Variants in MRPL30 observed in about 807,000 individuals in gnomAD.
The protein encoded by MRPL30 is large ribosomal subunit protein uL30m.
Under a neutral mutation model 17.2 loss-of-function variants are expected in MRPL30, and 10 were observed. The ratio of observed to expected loss-of-function variants is 0.58; its 90% CI spans 0.36 to 0.99. The LOEUF (loss-of-function observed/expected upper bound fraction) is 0.99, where lower values mean the gene tolerates loss of function less well. Among genes scored for constraint, MRPL30 ranks in the 50% least tolerant of loss-of-function variants. MRPL30 has a pLI of 0.01. For synonymous variants in MRPL30, 61 were observed against 62.1 expected (o/e 0.98, Z 0.08); for missense variants, 170 against 189.8 (o/e 0.90, Z 0.61).
chr2:99,181,772 T>C (rs1348279499), intron 1 of MRPL30, among the ~76,000 whole-genome samples: 1 of 152,178 alleles, frequency 6.6e-6, no homozygotes, highest in Non-Finnish European at 1.5e-5. Context: ...TCTGCCCTTT[T>C]TGCCAAGAGG....
rs560155371 is a variant in MRPL30 at position 99,193,536 on chromosome 2, A to G, written c.133-1215A>G. ...TATATTTTATATGAGTCTTAGAAAC[A>G]GTATTTATAGAATATATCACATATG... On this transcript the variant is annotated intron_variant, in intron 3 of 5. Transcript: ENST00000338148. 5.3e-5 allele frequency among the ~76,000 whole-genome samples: 8 copies of G among 152,276 alleles called. No homozygotes were observed. In the South Asian group the frequency reaches 1.7e-3, roughly 32 times the overall value.
chr2:99,191,075 C>T (rs967534291), intron 3 of MRPL30, among the ~76,000 whole-genome samples: 4 of 150,664 alleles, frequency 2.7e-5, no homozygotes, highest in South Asian at 4.2e-4. Flanking sequence ...GGCGTGGTCT[C>T]GGCTCACTGC....
chr2:99,195,167 A>G lies in MRPL30; in HGVS notation c.331A>G (p.Lys111Glu). Residue 111 changes from lysine (K) to glutamate (E), a missense_variant, in exon 5 of 6, where the codon AAA becomes GAA. Physicochemically the swap from Lys to Glu is moderately conservative, Grantham distance 56. Transcript: ENST00000338148. ...KNIPSVNAKL[K>E]VVKHLIRIKP... ...TATCCCTTCAGTGAATGCAAAATTG[A>G]AAGTAGTTAAGCATTTGATAAGGTT... 1 of 1,608,518 alleles carries G rather than the reference A, an allele frequency of 6.2e-7. No homozygotes were observed. Among genetic ancestry groups the G allele is most frequent in the Non-Finnish European group, 8.5e-7 (1 of 1,177,794 alleles).
intron 1 of MRPL30, chr2:99,185,728 G>A (rs116519747): frequency 0.018 from 7,922 of 431,748 alleles, 117 homozygotes; most frequent in Middle Eastern, 0.028. Context: ...TTTATTGATA[G>A]CTGGATGCAC....
Position 99,194,735 on chromosome 2 carries a change from A to G in MRPL30, c.133-16A>G. On this transcript the variant is annotated splice_polypyrimidine_tract_variant and intron_variant, in intron 3 of 5. Transcript: ENST00000338148. The stretch of plus-strand genomic sequence containing the variant: ...GTAAGTTGGAAATTTACCATTTATA[A>G]TTCTTTCCTTTCTAGGTGTTTCAGG... 1 of 1,565,414 alleles carries G rather than the reference A, an allele frequency of 6.4e-7. No individual in the cohort carries two copies. Among genetic ancestry groups the G allele is most frequent in the Non-Finnish European group, 8.6e-7 (1 of 1,166,346 alleles).
intron 2 of MRPL30, 63 bp from the exon 3 acceptor site, chr2:99,188,114 G>C: frequency 8.3e-7 from 1 of 1,203,478 alleles, no homozygotes; most frequent in Non-Finnish European, 1.2e-6. Flanking sequence ...CCTAAAGATT[G>C]GTGGGTATGG....
intron 1 of MRPL30, among the ~76,000 whole-genome samples, chr2:99,184,196 ATACCCCATCGTTAT>A (rs2093930379): frequency 6.6e-6 from 1 of 152,204 alleles, no homozygotes; most frequent in Non-Finnish European, 1.5e-5. Context: ...TCACTTTGAC[ATACCCCATCGTTAT>A]GTTTTTTCCA....
Position 99,195,706 on chromosome 2 carries a change from T to A in MRPL30, c.*1T>A. 6.2e-7 allele frequency: 1 copy of A among 1,611,956 alleles called. No individual in the cohort carries two copies. Among genetic ancestry groups the A allele is most frequent in the Non-Finnish European group, 8.5e-7 (1 of 1,179,456 alleles). On this transcript the variant is annotated 3_prime_UTR_variant, in exon 6 of 6. Coordinates refer to ENST00000338148, the MANE Select transcript of MRPL30 (RefSeq NM_145212.4). ...GGAGCAGAAAGCACATGAGTCCTAA[T>A]GCCCCAGCAGCTTCCGATTGGAAAA...
chr2:99,195,362 C>T (rs1218951852), intron 5 of MRPL30, 173 bp downstream of exon 5: 4 of 716,316 alleles, frequency 5.6e-6, no homozygotes, highest in East Asian at 2.9e-5. Context: ...TACATAGTGA[C>T]GTTTCAATAT....
chr2:99,191,241 G>C (rs368292803), intron 3 of MRPL30, among the ~76,000 whole-genome samples: 1 of 152,040 alleles, frequency 6.6e-6, no homozygotes, highest in Non-Finnish European at 1.5e-5. Context: ...TCCTGACCTC[G>C]TGATCCACCC....
chr2:99,183,527 C>T (rs2093929241), intron 1 of MRPL30, among the ~76,000 whole-genome samples: 1 of 151,086 alleles, frequency 6.6e-6, no homozygotes, highest in Non-Finnish European at 1.5e-5. Context: ...CAAGATTGGG[C>T]CACTGCACTC....
At chr2:99,189,864 A>C (rs1559190020) in intron 3 of MRPL30, among the ~76,000 whole-genome samples, 1 of 152,036 alleles carries the variant, frequency 6.6e-6, no homozygotes, top group Non-Finnish European at 1.5e-5. Context: ...ACAACCATCC[A>C]TCTCCAGAAC....
In MRPL30 at chr2:99,194,772, G is replaced by T. The variant is rs774909567; in HGVS notation, c.154G>T (p.Asp52Tyr). Reference protein sequence around the residue: ...PEKVFQASPEDHEKYGGDPQN... With the variant: ...PEKVFQASPEYHEKYGGDPQN... ...CTAGGTGTTTCAGGCCTCACCTGAA[G>T]ATCATGAAAAATACGGTGGGGATCC... Residue 52 changes from aspartate (D) to tyrosine (Y), a missense_variant, in exon 4 of 6, where the codon GAT becomes TAT. Physicochemically the swap from Asp to Tyr is radical, Grantham distance 160. Coordinates refer to ENST00000338148, the MANE Select transcript of MRPL30 (RefSeq NM_145212.4). 1.9e-6 allele frequency: 3 copies of T among 1,587,756 alleles called. No homozygotes were observed. In the East Asian group the frequency reaches 6.9e-5, roughly 36 times the overall value.
At chr2:99,192,384 C>T (rs558738371) in intron 3 of MRPL30, among the ~76,000 whole-genome samples, 20 of 152,242 alleles carry the variant, frequency 1.3e-4, no homozygotes, top group African/African-American at 4.8e-4. Context: ...AGGTTTTAAG[C>T]CCTACATGCA....
At chr2:99,194,382 C>T (rs2093951777) in intron 3 of MRPL30, among the ~76,000 whole-genome samples, 1 of 152,070 alleles carries the variant, frequency 6.6e-6, no homozygotes, top group South Asian at 2.1e-4. Flanking sequence ...TTTTATAATA[C>T]TTATGTTTTA....
At chr2:99,187,069 C>T (rs2093935207) in intron 2 of MRPL30, 1 of 152,172 alleles carries the variant, frequency 6.6e-6, no homozygotes, top group East Asian at 1.9e-4. Flanking sequence ...CCTGTGAGGT[C>T]AATATGAGTT....
intron 1 of MRPL30, among the ~76,000 whole-genome samples, chr2:99,184,119 C>T (rs939126071): frequency 6.6e-6 from 1 of 152,046 alleles, no homozygotes; most frequent in Non-Finnish European, 1.5e-5. Context: ...GATTATAAGC[C>T]AGTAATACTT....
At chr2:99,193,671 A>G (rs1574847023) in intron 3 of MRPL30, among the ~76,000 whole-genome samples, 1 of 152,218 alleles carries the variant, frequency 6.6e-6, no homozygotes, top group Non-Finnish European at 1.5e-5. Context: ...CCATCATTCA[A>G]TGTGAAGACC....
At chr2:99,193,648 G>T (rs949911424) in intron 3 of MRPL30, among the ~76,000 whole-genome samples, 10 of 152,122 alleles carry the variant, frequency 6.6e-5, no homozygotes, top group Admixed American at 1.3e-4. Context: ...TTTGGCTCAA[G>T]AATATATTAT....
Sources: gnomAD v4.1 joint callset for allele counts (sites outside exome capture counted in the v4.1 genomes callset) on GRCh38, gnomAD v4.1.1 for gene constraint, MANE v1.5 for transcripts, NCBI Gene and HGNC (gene_info 2026-07-23, HGNC 2026-07-21) for gene names.